Variants in HECW2 observed in about 807,000 individuals in gnomAD.
HECW2 encodes HECT, C2 and WW domain containing E3 ubiquitin protein ligase 2.
A neutral mutation model predicts 175.2 loss-of-function variants in HECW2; 61 were observed. The observed-to-expected ratio is 0.35, with a 90% CI of 0.28 to 0.43. The LOEUF is 0.43. Among genes scored for constraint, HECW2 ranks in the 20% least tolerant of loss-of-function variants. The probability of loss-of-function intolerance (pLI) is 1.00; values close to 1 mark genes in which losing one functional copy is unlikely to be tolerated. For missense variants in HECW2, 1,524 were observed against 2,000.5 expected (o/e 0.76, Z 4.54); for synonymous variants, 671 against 731.0 (o/e 0.92, Z 1.32).
At position 196,546,093 on chromosome 2, in the gene HECW2, G is replaced by A. The variant is rs182194539; in HGVS notation, c.-36+47415C>T. 4.7e-4 allele frequency among the ~76,000 whole-genome samples: 72 copies of A among 152,270 alleles called. 2 individuals carry two copies. The highest frequency in any genetic ancestry group is 4.0e-3 in the Admixed American group (61 of 15,296). Reference sequence around the variant, plus strand: ...ACAAGGAGTTGTTTATGCTCACCACGATAAGAAATTCAGAGGACAAAAGTG... The same window carrying A: ...ACAAGGAGTTGTTTATGCTCACCACAATAAGAAATTCAGAGGACAAAAGTG... On this transcript the variant is annotated intron_variant, in intron 1 of 28. Transcript: ENST00000644978.
intron 2 of HECW2, among the ~76,000 whole-genome samples, chr2:196,391,105 G>A (rs569263382): frequency 2.6e-5 from 4 of 152,246 alleles, no homozygotes; most frequent in African/African-American, 7.2e-5. Flanking sequence ...CAAGAGACAG[G>A]AGGCAGGGAG....
chr2:196,587,018 G>C (rs781361011), intron 1 of HECW2, among the ~76,000 whole-genome samples: 1 of 152,018 alleles, frequency 6.6e-6, no homozygotes, highest in Non-Finnish European at 1.5e-5. Context: ...TCTCTCTAAG[G>C]ATAATGTTTG....
intron 21 of HECW2, among the ~76,000 whole-genome samples, chr2:196,236,525 C>T (rs758821441): frequency 4.6e-4 from 70 of 152,068 alleles, no homozygotes; most frequent in Non-Finnish European, 8.4e-4. Context: ...TCTACATTTC[C>T]CTAGTTTCTA....
At chr2:196,426,964 C>T (rs1269715157) in intron 2 of HECW2, among the ~76,000 whole-genome samples, 1 of 152,082 alleles carries the variant, frequency 6.6e-6, no homozygotes, top group Non-Finnish European at 1.5e-5. Context: ...TTAAGACTGA[C>T]AGTCAAAATA....
chr2:196,416,759 C>T (rs1244866424), intron 2 of HECW2, among the ~76,000 whole-genome samples: 2 of 152,210 alleles, frequency 1.3e-5, no homozygotes, highest in African/African-American at 4.8e-5. Context: ...TTTTTGATGA[C>T]AAGGGCTTTG....
At chr2:196,249,958 C>A (rs1475769110) in intron 19 of HECW2, among the ~76,000 whole-genome samples, 2 of 152,188 alleles carry the variant, frequency 1.3e-5, no homozygotes, top group Non-Finnish European at 2.9e-5. Flanking sequence ...ATTTTATTGT[C>A]ACCAATGATT....
At chr2:196,254,684 G>A (rs1419859709) in intron 18 of HECW2, among the ~76,000 whole-genome samples, 1 of 152,186 alleles carries the variant, frequency 6.6e-6, no homozygotes, top group Non-Finnish European at 1.5e-5. Flanking sequence ...GTACAAGACA[G>A]TGTCAGTTTG....
chr2:196,292,818 C>A (rs1043203179), intron 13 of HECW2, 68 bp from the exon 14 acceptor site: 5 of 1,217,432 alleles, frequency 4.1e-6, no homozygotes, highest in African/African-American at 3.0e-5. Flanking sequence ...AAATACTACA[C>A]ATGGGTATGG....
intron 13 of HECW2, among the ~76,000 whole-genome samples, chr2:196,295,595 A>G (rs910157328): frequency 1.3e-5 from 2 of 152,336 alleles, no homozygotes; most frequent in South Asian, 2.1e-4. Context: ...CTAAATAGGT[A>G]TACCTCTTTA....
intron 2 of HECW2, among the ~76,000 whole-genome samples, chr2:196,354,617 A>G (rs1252315838): frequency 6.6e-6 from 1 of 152,264 alleles, no homozygotes; most frequent in Non-Finnish European, 1.5e-5. Context: ...AAAAGAAATA[A>G]CATTTTCACC....
chr2:196,309,779 G>C (rs1383003026), intron 10 of HECW2, among the ~76,000 whole-genome samples: 4 of 152,114 alleles, frequency 2.6e-5, no homozygotes, highest in Non-Finnish European at 4.4e-5. Context: ...AAAAAATAGA[G>C]ACCAACTAGA....
At chr2:196,420,370 G>C (rs767677280) in intron 2 of HECW2, among the ~76,000 whole-genome samples, 5 of 152,192 alleles carry the variant, frequency 3.3e-5, no homozygotes, top group African/African-American at 9.6e-5. Flanking sequence ...GACTTTGATA[G>C]TTATCACAGC....
chr2:196,318,928 G>A lies in HECW2; in HGVS notation c.1962C>T (p.Ser654=), dbSNP rs1320322399. Reference sequence around the variant, plus strand: ...GAGAGGAGCACCGTGTGTCCACAGAGGACAGCTGCGTGGTCACACTCTCAT... The same window carrying A: ...GAGAGGAGCACCGTGTGTCCACAGAAGACAGCTGCGTGGTCACACTCTCAT... The part of the protein sequence containing the change: ...SCNESVTTQL[S]SVDTRCSSLE... Residue 654 remains serine (S), a synonymous_variant, in exon 9 of 29, where the codon TCC becomes TCT. Coordinates refer to ENST00000644978, the MANE Select transcript of HECW2 (RefSeq NM_001348768.2). 3.7e-6 allele frequency: 6 copies of A among 1,600,228 alleles called. No homozygotes were observed. Among genetic ancestry groups the A allele is most frequent in the East Asian group, 2.2e-5 (1 of 44,870 alleles).
chr2:196,201,215 A>G lies in HECW2; in HGVS notation c.*62T>C. ...CTCTTGAAACTTCCAATGTTCAATC[A>G]TTCTTCTAGAAGGCAGCTTCTGAAC... is the stretch of plus-strand genomic sequence containing the variant. On this transcript the variant is annotated 3_prime_UTR_variant, in exon 29 of 29. Coordinates refer to ENST00000644978, the MANE Select transcript of HECW2 (RefSeq NM_001348768.2). 1.9e-6 allele frequency: 2 copies of G among 1,045,076 alleles called. No homozygotes were observed. Among genetic ancestry groups the G allele is most frequent in the Non-Finnish European group, 1.5e-6 (1 of 661,872 alleles). The allele number at this position is 1,045,076 out of a possible 1,614,324, so 64.7% of individuals were successfully genotyped here. A position where few individuals can be genotyped will look rare whatever the true frequency, so the allele number is the denominator to read the frequency against.
chr2:196,279,458 C>T (rs1458886055), intron 14 of HECW2, among the ~76,000 whole-genome samples: 3 of 152,192 alleles, frequency 2.0e-5, no homozygotes, highest in Non-Finnish European at 2.9e-5. Flanking sequence ...CCCCTCCCAG[C>T]CTGAACACCA....
intron 2 of HECW2, among the ~76,000 whole-genome samples, chr2:196,430,245 A>G (rs1384227861): frequency 2.0e-5 from 3 of 152,206 alleles, no homozygotes; most frequent in Non-Finnish European, 4.4e-5. Flanking sequence ...GATCCAGTCT[A>G]ACAAAGTGTA....
At chr2:196,542,350 C>T (rs1177680867) in intron 1 of HECW2, among the ~76,000 whole-genome samples, 1 of 150,954 alleles carries the variant, frequency 6.6e-6, no homozygotes, top group Non-Finnish European at 1.5e-5. Flanking sequence ...AGAATTGAAA[C>T]CACACTGGAC....
At chr2:196,465,145 T>C (rs1323687357) in intron 1 of HECW2, among the ~76,000 whole-genome samples, 1 of 152,220 alleles carries the variant, frequency 6.6e-6, no homozygotes, top group Non-Finnish European at 1.5e-5. Context: ...ACTCAAAGCA[T>C]AGCTTTAAGA....
chr2:196,273,658 T>A (rs1204311308), intron 16 of HECW2, among the ~76,000 whole-genome samples: 2 of 152,224 alleles, frequency 1.3e-5, no homozygotes, highest in African/African-American at 4.8e-5. Context: ...ATTTAAATTC[T>A]GTCTTGGCCT....
Sources: gnomAD v4.1 joint callset for allele counts (sites outside exome capture counted in the v4.1 genomes callset) on GRCh38, gnomAD v4.1.1 for gene constraint, MANE v1.5 for transcripts, NCBI Gene and HGNC (gene_info 2026-07-23, HGNC 2026-07-21) for gene names.